Variants in KIF7 observed in about 807,000 individuals in gnomAD.
KIF7 encodes kinesin-like protein KIF7.
Under a neutral mutation model 135.7 loss-of-function variants are expected in KIF7, and 104 were observed. The ratio of observed to expected loss-of-function variants is 0.77; its 90% CI spans 0.65 to 0.90. The LOEUF (loss-of-function observed/expected upper bound fraction) is 0.90. Among genes scored for constraint, KIF7 ranks in the 40% least tolerant of loss-of-function variants. The pLI is 0.00. For synonymous variants in KIF7, 883 were observed against 809.4 expected (o/e 1.09, Z -1.54); for missense variants, 2,005 against 1,839.1 (o/e 1.09, Z -1.65).
chr15:89,656,368 T>G (rs1964207205), upstream of KIF7, among the ~76,000 whole-genome samples: 1 of 151,826 alleles, frequency 6.6e-6, no homozygotes, highest in African/African-American at 2.4e-5. Flanking sequence ...TCTTTTTTTT[T>G]TTTTGCCATC....
upstream of KIF7, among the ~76,000 whole-genome samples, chr15:89,655,700 T>C (rs1280838449): frequency 6.6e-6 from 1 of 152,128 alleles, no homozygotes; most frequent in African/African-American, 2.4e-5. Flanking sequence ...GACCATCCTG[T>C]CCTCAGCCCC....
Position 89,648,383 on chromosome 15 carries a change from T to C in KIF7, c.1315A>G (p.Lys439Glu), listed in dbSNP as rs1964055587. The C allele has an allele frequency of 3.4e-6, 4 of 1,190,138 alleles. No individual in the cohort carries two copies. Among genetic ancestry groups the C allele is most frequent in the Non-Finnish European group, 4.2e-6 (4 of 959,632 alleles). The allele number at this position is 1,190,138 out of a possible 1,614,324, so 73.7% of individuals were successfully genotyped here. A position where few individuals can be genotyped will look rare whatever the true frequency, so the allele number is the denominator to read the frequency against. The change falls in exon 5 of 19, where the codon AAG becomes GAG. Residue 439 changes from lysine to glutamate, a missense_variant. Transcript: ENST00000394412. ...EPGLPGAAAR[K>E]VRDWLCAVEG... ...ACGGCGCACAGCCAGTCGCGCACCT[T>C]GCGGGCGGCGGCGCCGGGCAGCCCG...
rs1197021431 is a variant in KIF7 at position 89,629,416 on chromosome 15, T to G, written c.3476A>C (p.Glu1159Ala). Residue 1159 changes from glutamate to alanine, a missense_variant, in exon 17 of 19, where the codon GAG becomes GCG. Transcript: ENST00000394412. The part of the protein sequence containing the change: ...MDRQLTLQQK[E>A]HEQNMQLLLQ... ...GAGCAGCTGCATGTTCTGCTCGTGC[T>G]CCTTCTGCTGCAGGGTCAGCTGGCG... The G allele has an allele frequency of 6.2e-7, 1 of 1,606,802 alleles. No homozygotes were observed. The highest frequency in any genetic ancestry group is 1.3e-5 in the African/African-American group (1 of 74,882).
chr15:89,622,864 C>T (rs1027837044), intron 1 of KIF7, among the ~76,000 whole-genome samples: 28 of 152,218 alleles, frequency 1.8e-4, no homozygotes, highest in African/African-American at 6.3e-4. Flanking sequence ...AGCTTGAAGA[C>T]CTGATCCAGG....
chr15:89,646,308 C>T (rs1964012262), intron 7 of KIF7, among the ~76,000 whole-genome samples: 1 of 152,138 alleles, frequency 6.6e-6, no homozygotes, highest in Non-Finnish European at 1.5e-5. Context: ...TCCTATCTCA[C>T]CACCAATTCC....
Position 89,645,886 on chromosome 15 carries a change from C to T in KIF7, c.1922+7G>A, listed in dbSNP as rs767930070. On this transcript the variant is annotated splice_region_variant and intron_variant, in intron 8 of 18. Transcript: ENST00000394412. ...CTTGTCAGGTGGGGGCAGTGGGTCC[C>T]ACTCACCTGCGCAGGTGTAAGGTCC... 3 of 1,612,956 alleles carry T rather than the reference C, an allele frequency of 1.9e-6. No homozygotes were observed. The highest frequency in any genetic ancestry group is 2.2e-5 in the East Asian group (1 of 44,860).
intron 1 of KIF7, among the ~76,000 whole-genome samples, chr15:89,621,151 C>A (rs548842381): frequency 6.6e-6 from 1 of 152,252 alleles, no homozygotes; most frequent in Non-Finnish European, 1.5e-5. Context: ...TCCTGAGTAG[C>A]TGGGATTACA....
rs546772749 is a variant in KIF7 at position 89,628,696 on chromosome 15, G to A, written c.3755C>T (p.Ser1252Phe). ...LHLAPELLWLSPLTEGAPRTR... is the reference protein window; with the variant it reads ...LHLAPELLWLFPLTEGAPRTR... ...GCGGGGGGCCCCCTCAGTGAGGGGGGACAGCCAGAGAAGCTCGGGTGCCAG... is the reference window on the plus strand; with the variant it reads ...GCGGGGGGCCCCCTCAGTGAGGGGGAACAGCCAGAGAAGCTCGGGTGCCAG... The change falls in exon 19 of 19, where the codon TCC becomes TTC. Residue 1252 changes from serine to phenylalanine, a missense_variant. Ser to Phe is a radical substitution (Grantham distance 155, BLOSUM62 -2). Coordinates refer to ENST00000394412, the MANE Select transcript of KIF7 (RefSeq NM_198525.3). 17 of 1,613,024 alleles carry A rather than the reference G, an allele frequency of 1.1e-5. No individual in the cohort carries two copies. The African/African-American group carries it at 1.5e-4, about 14-fold the overall frequency.
At chr15:89,629,301 G>A (rs1963616355) in intron 17 of KIF7, 74 bp downstream of exon 17, 4 of 1,178,408 alleles carry the variant, frequency 3.4e-6, no homozygotes, top group Non-Finnish European at 4.5e-6. Flanking sequence ...AGGGAGGGGG[G>A]TGCAGGGCGG....
Position 89,652,672 on chromosome 15 carries a change from T to A in KIF7, c.259A>T (p.Asn87Tyr). ...PLLEAFFEGF[N>Y]ATVFAYGQTG... ...TGACCATAGGCAAAGACAGTGGCAT[T>A]GAAGCCCTCGAAGAAGGCCTCAAGG... Residue 87 changes from asparagine to tyrosine, a missense_variant, in exon 2 of 19, where the codon AAT (asparagine) becomes TAT (tyrosine). Asn to Tyr is a moderately radical substitution (Grantham distance 143). Coordinates refer to ENST00000394412, the MANE Select transcript of KIF7 (RefSeq NM_198525.3). 1 of 1,551,182 alleles carries A rather than the reference T, an allele frequency of 6.4e-7. No homozygotes were observed. Among genetic ancestry groups the A allele is most frequent in the Middle Eastern group, 1.7e-4 (1 of 5,992 alleles).
chr15:89,627,388 G>C (rs1374113102), downstream of KIF7: 1 of 348,340 alleles, frequency 2.9e-6, no homozygotes, highest in Non-Finnish European at 5.2e-6. Flanking sequence ...CCATGACCTT[G>C]GCAAGTCAGG....
downstream of KIF7, chr15:89,624,553 G>A: frequency 1.2e-6 from 2 of 1,613,764 alleles, no homozygotes; most frequent in East Asian, 2.2e-5. Context: ...TGACAGCCCA[G>A]CTGCCCCCAC....
At chr15:89,631,258 A>C (rs557678291) in intron 15 of KIF7, among the ~76,000 whole-genome samples, 1 of 152,258 alleles carries the variant, frequency 6.6e-6, no homozygotes, top group Non-Finnish European at 1.5e-5. Context: ...GGCTCCAGCC[A>C]GAAGAGAGCT....
At position 89,633,891 on chromosome 15, in the gene KIF7, C is replaced by A; in HGVS notation, c.2395-8G>T. 6.2e-7 allele frequency: 1 copy of A among 1,613,644 alleles called. No individual in the cohort carries two copies. The highest frequency in any genetic ancestry group is 8.5e-7 in the Non-Finnish European group (1 of 1,180,018). The stretch of plus-strand genomic sequence containing the variant: ...CTTCTTCTCCTTCAGCACCTGGGAC[C>A]CACACAGTCTTCACTGGGCCATGCA... On this transcript the variant is annotated splice_polypyrimidine_tract_variant and splice_region_variant and intron_variant, in intron 11 of 18. Transcript: ENST00000394412.
chr15:89,631,325 A>C (rs1399383167), intron 15 of KIF7, among the ~76,000 whole-genome samples, 170 bp downstream of exon 15: 1 of 152,254 alleles, frequency 6.6e-6, no homozygotes, highest in Non-Finnish European at 1.5e-5. Context: ...AAGCAGGGGC[A>C]GAAGGGCCAG....
chr15:89,659,811 C>T (rs1206682845), upstream of KIF7, among the ~76,000 whole-genome samples: 3 of 152,222 alleles, frequency 2.0e-5, no homozygotes, highest in Non-Finnish European at 4.4e-5. Flanking sequence ...TAATGATACA[C>T]ACACTTTATC....
At chr15:89,619,221 CTTTT>C (rs386383750) in intron 1 of KIF7, among the ~76,000 whole-genome samples, 10 of 111,994 alleles carry the variant, frequency 8.9e-5, no homozygotes, top group Non-Finnish European at 1.4e-4. Flanking sequence ...CACCATTCTT[CTTTT>C]TTTTTTTTTT....
In KIF7 at chr15:89,628,465, C is replaced by T. The variant is rs202214398; in HGVS notation, c.3986G>A (p.Arg1329Gln). 6.8e-6 allele frequency: 11 copies of T among 1,609,458 alleles called. No homozygotes were observed. Among genetic ancestry groups the T allele is most frequent in the South Asian group, 1.1e-5 (1 of 90,890 alleles). ...GPLSKPRREL[R>Q]RASPGMIDVR... is the part of the protein sequence containing the mutation. ...ATCAATCATCCCCGGGCTGGCTCGT[C>T]GCAGTTCCCGCCGGGGCTTGGACAA... The change falls in exon 19 of 19, where the codon CGA (arginine) becomes CAA (glutamine). Residue 1329 changes from arginine (R) to glutamine (Q), a missense_variant. By Grantham distance (43) the Arg-to-Gln change is conservative. Coordinates refer to ENST00000394412, the MANE Select transcript of KIF7 (RefSeq NM_198525.3).
At chr15:89,631,469 G>A (rs750115400) in intron 15 of KIF7, 26 bp downstream of exon 15, 18 of 1,538,082 alleles carry the variant, frequency 1.2e-5, no homozygotes, top group Middle Eastern at 2.3e-4. Context: ...GGCACCAAGG[G>A]GCTGAGCCAT....
Sources: gnomAD v4.1 joint callset for allele counts (sites outside exome capture counted in the v4.1 genomes callset) on GRCh38, gnomAD v4.1.1 for gene constraint, MANE v1.5 for transcripts, NCBI Gene and HGNC (gene_info 2026-07-23, HGNC 2026-07-21) for gene names.